The following NIFK variants were observed in gnomAD, a reference collection of about 807,000 sequenced individuals.
NIFK encodes MKI67 FHA domain-interacting nucleolar phosphoprotein.
NIFK carries 16 observed loss-of-function variants against 31.7 expected under a neutral mutation model. The ratio of observed to expected loss-of-function variants is 0.50; its 90% CI spans 0.34 to 0.77. The LOEUF is 0.77. Among genes scored for constraint, NIFK ranks in the 30% least tolerant of loss-of-function variants. NIFK has a pLI of 0.01. For synonymous variants in NIFK, 126 were observed against 123.0 expected (o/e 1.02, Z -0.16); for missense variants, 341 against 350.4 (o/e 0.97, Z 0.21).
chr2:121,736,680 C>T (rs2074583743), intron 1 of NIFK, 66 bp downstream of exon 1: 1 of 1,394,190 alleles, frequency 7.2e-7, no homozygotes, highest in South Asian at 1.2e-5. Flanking sequence ...AACCGTGCAA[C>T]CCCAGATACC....
In NIFK at chr2:121,728,478, TG is replaced by T; in HGVS notation, c.622del (p.Gln208ArgfsTer45). 1 of 1,583,350 alleles carries T rather than the reference TG, an allele frequency of 6.3e-7. No individual in the cohort carries two copies. The highest frequency in any genetic ancestry group is 8.6e-7 in the Non-Finnish European group (1 of 1,167,286). ...GTAAAATGATAAAAAAAATTTTACCTGGCCTTTTGTAGACGTCTGACGATTA... is the reference window on the plus strand; with the variant it reads ...GTAAAATGATAAAAAAAATTTTACCTGCCTTTTGTAGACGTCTGACGATTA... The part of the protein sequence containing the change: ...KTNRQTSTKG[Q>X]VLRKKKKKVS... On this transcript the variant is annotated frameshift_variant and splice_region_variant, in exon 5 of 7. Coordinates refer to ENST00000285814, the MANE Select transcript of NIFK (RefSeq NM_032390.5). LOFTEE classifies it high-confidence loss of function.
In NIFK at chr2:121,727,794, TTTACA is replaced by T. The variant is rs780014703; in HGVS notation, c.807_811del (p.Cys269Ter). 9 of 1,610,252 alleles carry T rather than the reference TTTACA, an allele frequency of 5.6e-6. No individual in the cohort carries two copies. The highest frequency in any genetic ancestry group is 7.6e-6 in the Non-Finnish European group (9 of 1,179,244). On this transcript the variant is annotated stop_gained and frameshift_variant, in exon 7 of 7. Transcript: ENST00000285814. LOFTEE classifies it high-confidence loss of function. The stretch of plus-strand genomic sequence containing the variant: ...TGTTTGAGTCTCTTGTATTTCTTCT[TTTACA>T]CAGGATATGGGCTGTTTGAAAACTA...
chr2:121,732,322 G>C, intron 2 of NIFK, 118 bp from the exon 3 acceptor site: 1 of 633,946 alleles, frequency 1.6e-6, no homozygotes, highest in Non-Finnish European at 2.8e-6. Context: ...TATTACGTAC[G>C]ACACGCTTAA....
rs2074497481 is a variant in NIFK, at chr2:121,727,245, A to C, written c.*479T>G. 6 of 330,170 alleles carry C rather than the reference A, an allele frequency of 1.8e-5. No individual in the cohort carries two copies. Among genetic ancestry groups the C allele is most frequent in the South Asian group, 1.6e-4 (6 of 36,396 alleles). The allele number at this position is 330,170 out of a possible 1,614,324, so 20.5% of individuals were successfully genotyped here. On this transcript the variant is annotated 3_prime_UTR_variant, in exon 7 of 7. Coordinates refer to ENST00000285814, the MANE Select transcript of NIFK (RefSeq NM_032390.5). ...TAAACAAATCTGTGCTAAAACTGGA[A>C]CTGCCTTCTCACTCTACATATAATT... is the stretch of plus-strand genomic sequence containing the variant.
At chr2:121,729,223 T>C (rs934926748) in intron 4 of NIFK, among the ~76,000 whole-genome samples, 2 of 151,664 alleles carry the variant, frequency 1.3e-5, no homozygotes, top group East Asian at 2.0e-4. Context: ...AAAAATTAGC[T>C]GGGTGTGGTG....
chr2:121,736,164 C>T (rs2074577943), intron 1 of NIFK, among the ~76,000 whole-genome samples: 1 of 152,238 alleles, frequency 6.6e-6, no homozygotes, highest in African/African-American at 2.4e-5. Flanking sequence ...TTCAACGTCT[C>T]AGTCATCATA....
Position 121,727,547 on chromosome 2 carries a change from AT to A in NIFK, c.*176del. 1.4e-6 allele frequency: 1 copy of A among 714,516 alleles called. No homozygotes were observed. 44.3% of individuals were successfully genotyped at this position (714,516 alleles called of 1,614,324 possible). A position where few individuals can be genotyped will look rare whatever the true frequency, so the allele number is the denominator to read the frequency against. On this transcript the variant is annotated 3_prime_UTR_variant, in exon 7 of 7. Coordinates refer to ENST00000285814, the MANE Select transcript of NIFK (RefSeq NM_032390.5). ...ACTGCAAGATGGTATGCACCCCTGT[AT>A]TTCAGCCAAGGGCAGGCAATCCAAA...
Position 121,727,861 on chromosome 2 carries a change from C to T in NIFK, c.745G>A (p.Val249Met), listed in dbSNP as rs201712038. ...TTATCATCATCATTCAGTTCAGCCA[C>T]TTGAGATTTTCGCCTCTCCAAAAAT... ...PTFLERRKSQ[V>M]AELNDDDKDD... Residue 249 changes from valine (V) to methionine (M), a missense_variant, in exon 7 of 7, where the codon GTG (valine) becomes ATG (methionine). Val to Met is a conservative substitution (Grantham distance 21). Transcript: ENST00000285814. The T allele has an allele frequency of 1.2e-6, 2 of 1,611,228 alleles. No homozygotes were observed. The highest frequency in any genetic ancestry group is 2.7e-5 in the African/African-American group (2 of 74,954).
chr2:121,731,913 A>G (rs774140256), intron 3 of NIFK, among the ~76,000 whole-genome samples, 183 bp downstream of exon 3: 1 of 152,184 alleles, frequency 6.6e-6, no homozygotes, highest in Non-Finnish European at 1.5e-5. Context: ...CTCTCAGGCT[A>G]GATTTTAAAA....
In NIFK at chr2:121,730,724, A is replaced by ATCCCAAC. The variant is rs539150566; in HGVS notation, c.564+162_564+168dup. 3.2e-4 allele frequency: 195 copies of ATCCCAAC among 607,158 alleles called. 3 individuals are homozygous for ATCCCAAC. The South Asian group carries it at 3.7e-3, about 12-fold the overall frequency. 37.6% of individuals were successfully genotyped at this position (607,158 alleles called of 1,614,324 possible). A position where few individuals can be genotyped will look rare whatever the true frequency, so the allele number is the denominator to read the frequency against. On this transcript the variant is annotated intron_variant, in intron 4 of 6. Coordinates refer to ENST00000285814, the MANE Select transcript of NIFK (RefSeq NM_032390.5). Reference sequence around the variant, plus strand: ...CCAGACGTGGTGGTGTGCACCTGTAATCCCAACTACTTGGGAGGCTAGAGG... The same window carrying ATCCCAAC: ...CCAGACGTGGTGGTGTGCACCTGTAATCCCAACTCCCAACTACTTGGGAGGCTAGAGG...
intron 1 of NIFK, 134 bp from the exon 2 acceptor site, chr2:121,735,884 T>C (rs1272609368): frequency 8.5e-6 from 6 of 702,300 alleles, no homozygotes; most frequent in Non-Finnish European, 1.2e-5. Flanking sequence ...ACTGGCTGTT[T>C]AGTGTTTCTC....
In NIFK at chr2:121,735,751, C is replaced by G; in HGVS notation, c.106-1G>C. Reference sequence around the variant, plus strand: ...GAGTAAGTTGTTCTTGTTTTTTTCGCTAAAGACGTAAAGACCAGGTAAATT... The same window carrying G: ...GAGTAAGTTGTTCTTGTTTTTTTCGGTAAAGACGTAAAGACCAGGTAAATT... On this transcript the variant is annotated splice_acceptor_variant, in intron 1 of 6. Coordinates refer to ENST00000285814, the MANE Select transcript of NIFK (RefSeq NM_032390.5). LOFTEE classifies it high-confidence loss of function. The G allele has an allele frequency of 6.2e-7, 1 of 1,611,450 alleles. No individual in the cohort carries two copies. The highest frequency in any genetic ancestry group is 8.5e-7 in the Non-Finnish European group (1 of 1,179,128).
chr2:121,729,097 C>T (rs1391461782), intron 4 of NIFK, among the ~76,000 whole-genome samples: 2 of 152,028 alleles, frequency 1.3e-5, no homozygotes, highest in Non-Finnish European at 2.9e-5. Context: ...CGCAGTGGCT[C>T]ACGCCTACAA....
At position 121,736,732 on chromosome 2, in the gene NIFK, G is replaced by A. The variant is rs368271396; in HGVS notation, c.105+14C>T. On this transcript the variant is annotated intron_variant, in intron 1 of 6. Transcript: ENST00000285814. Reference sequence around the variant, plus strand: ...TCGCCCCCGCTCGCAGCCTGGGCCAGGGTGCCTGCTCACCTGGGTTATGCG... The same window carrying A: ...TCGCCCCCGCTCGCAGCCTGGGCCAAGGTGCCTGCTCACCTGGGTTATGCG... 21 of 1,607,560 alleles carry A rather than the reference G, an allele frequency of 1.3e-5. No individual in the cohort carries two copies. Among genetic ancestry groups the A allele is most frequent in the Admixed American group, 8.3e-5 (5 of 60,000 alleles).
chr2:121,735,064 G>A (rs2106443798), intron 2 of NIFK, among the ~76,000 whole-genome samples: 1 of 152,282 alleles, frequency 6.6e-6, no homozygotes, highest in Admixed American at 6.5e-5. Flanking sequence ...TCATTAGAAG[G>A]CAGGTATGAC....
At chr2:121,736,267 G>A (rs537611889) in intron 1 of NIFK, among the ~76,000 whole-genome samples, 2 of 152,358 alleles carry the variant, frequency 1.3e-5, no homozygotes, top group South Asian at 4.1e-4. Context: ...GCCCTAGTCA[G>A]CAAGTGGAAC....
rs1181305357 is a variant in NIFK at position 121,727,715 on chromosome 2, C to T, written c.*9G>A. 8.2e-6 allele frequency: 13 copies of T among 1,576,760 alleles called. No individual in the cohort carries two copies. Among genetic ancestry groups the T allele is most frequent in the Non-Finnish European group, 9.5e-6 (11 of 1,159,002 alleles). ...TATATTTTTCAAAAGAAATATAATA[C>T]ATTGAAAATCACTGATTGCTGCTTC... On this transcript the variant is annotated 3_prime_UTR_variant, in exon 7 of 7. Coordinates refer to ENST00000285814, the MANE Select transcript of NIFK (RefSeq NM_032390.5).
chr2:121,732,353 T>C, intron 2 of NIFK, 149 bp from the exon 3 acceptor site: 1 of 597,270 alleles, frequency 1.7e-6, no homozygotes, highest in East Asian at 2.9e-5. Flanking sequence ...AATTCACATA[T>C]TCCGGGGACT....
At chr2:121,732,604 C>CT (rs2074549810) in intron 2 of NIFK, among the ~76,000 whole-genome samples, 1 of 152,222 alleles carries the variant, frequency 6.6e-6, no homozygotes, top group Admixed American at 6.5e-5. Flanking sequence ...ACTTCCACAA[C>CT]TGAGTCTCAG....
Sources: allele counts gnomAD v4.1 joint callset (sites outside exome capture counted in the v4.1 genomes callset), GRCh38; gene constraint gnomAD v4.1.1; transcripts MANE v1.5; gene names NCBI Gene and HGNC (gene_info 2026-07-23, HGNC 2026-07-21).